Variants in AGO3 observed in about 807,000 individuals in gnomAD.
The protein encoded by AGO3 is argonaute RISC catalytic component 3, also known as protein argonaute-3.
In AGO3, 16 loss-of-function variants were observed where a neutral mutation model predicts 105.5. The ratio of observed to expected loss-of-function variants is 0.15; its 90% CI spans 0.10 to 0.23. AGO3 has a LOEUF of 0.23. AGO3 is among the 10% of genes least tolerant of loss of function. The pLI is 1.00. For missense variants in AGO3, 534 were observed against 1,088.0 expected, an observed-to-expected ratio of 0.49 and a Z score of 7.16; for synonymous variants, 340 against 367.3, an observed-to-expected ratio of 0.93 and a Z score of 0.85.
At chr1:35,952,110 G>GTCTT (rs146413112) in intron 2 of AGO3, among the ~76,000 whole-genome samples, 1,453 of 112,994 alleles carry the variant, frequency 0.013, 29 homozygotes, top group Non-Finnish European at 0.019. Context: ...TTCTGGGTCG[G>GTCTT]TCTTTCTTTC....
rs753617288 is a variant in AGO3 at position 35,972,138 on chromosome 1, C to T, written c.427C>T (p.Arg143Trp). The change falls in exon 4 of 19, where the codon CGG (arginine) becomes TGG (tryptophan). Residue 143 changes from arginine to tryptophan, a missense_variant. Coordinates refer to ENST00000373191, the MANE Select transcript of AGO3 (RefSeq NM_024852.4). ...CCTACTGCATGAAGTACTGACAGGA[C>T]GGACCTTGCCTGAGCCACTGGAATT... is the stretch of plus-strand genomic sequence containing the variant. The part of the protein sequence containing the change: ...WHLLHEVLTG[R>W]TLPEPLELDK... 6 of 1,613,912 alleles carry T rather than the reference C, an allele frequency of 3.7e-6. No homozygotes were observed. The highest frequency in any genetic ancestry group is 3.3e-5 in the Admixed American group (2 of 59,956).
At chr1:36,019,511 ACAT>A (rs1382244457) in intron 11 of AGO3, among the ~76,000 whole-genome samples, 1 of 152,240 alleles carries the variant, frequency 6.6e-6, no homozygotes, top group Non-Finnish European at 1.5e-5. Context: ...TGAGAGAAAC[ACAT>A]TTCCTAATAA....
chr1:35,978,381 G>A (rs1646990567), intron 5 of AGO3, among the ~76,000 whole-genome samples: 1 of 151,990 alleles, frequency 6.6e-6, no homozygotes, highest in Admixed American at 6.6e-5. Context: ...TAGTAGAGAT[G>A]GGGTTTCACC....
intron 5 of AGO3, among the ~76,000 whole-genome samples, chr1:36,001,535 G>A (rs1211200815): frequency 6.6e-6 from 1 of 152,136 alleles, no homozygotes; most frequent in African/African-American, 2.4e-5. Flanking sequence ...ATTAAGAGGG[G>A]AAGGGAGTAC....
chr1:35,961,290 G>A (rs1487125723), intron 2 of AGO3, among the ~76,000 whole-genome samples: 1 of 151,774 alleles, frequency 6.6e-6, no homozygotes, highest in Admixed American at 6.6e-5. Context: ...ACTATAAGAG[G>A]GTATCGCGGA....
chr1:35,969,588 C>T (rs1646831508), intron 3 of AGO3, among the ~76,000 whole-genome samples: 1 of 152,180 alleles, frequency 6.6e-6, no homozygotes, highest in Non-Finnish European at 1.5e-5. Context: ...AGTGGGAACT[C>T]TTTTAAGCTG....
intron 5 of AGO3, among the ~76,000 whole-genome samples, chr1:35,990,457 A>G (rs1425881044): frequency 2.0e-5 from 3 of 152,272 alleles, no homozygotes; most frequent in East Asian, 3.9e-4. Flanking sequence ...GCAGTGAGCC[A>G]AGATTGCACC....
rs1640746964 is a variant in AGO3, at chr1:36,013,901, T to G, written c.1273-14T>G. The G allele has an allele frequency of 6.2e-7, 1 of 1,602,764 alleles. No homozygotes were observed. The highest frequency in any genetic ancestry group is 8.5e-7 in the Non-Finnish European group (1 of 1,174,236). On this transcript the variant is annotated splice_polypyrimidine_tract_variant and intron_variant, in intron 10 of 18. Transcript: ENST00000373191. Reference sequence around the variant, plus strand: ...TGTTCTTTTTCACCATGTTATTTTTTTCTCCTCGTGTAGAATCGGACAGTA... The same window carrying G: ...TGTTCTTTTTCACCATGTTATTTTTGTCTCCTCGTGTAGAATCGGACAGTA...
Position 36,055,841 on chromosome 1 carries a change from G to A in AGO3, c.*96G>A. ...AGTCAATTGAGTAAGGACACCTCCA[G>A]CCATACAGAAACCAACACTGTGTGG... On this transcript the variant is annotated 3_prime_UTR_variant, in exon 19 of 19. Coordinates refer to ENST00000373191, the MANE Select transcript of AGO3 (RefSeq NM_024852.4). The surrounding 1 kb of genome is among the most constrained non-coding windows in gnomAD (Gnocchi z 4.4). The A allele has an allele frequency of 4.1e-6, 5 of 1,232,342 alleles. No homozygotes were observed. In the South Asian group the frequency reaches 6.6e-5, roughly 16 times the overall value. The allele number at this position is 1,232,342 out of a possible 1,614,324, so 76.3% of individuals were successfully genotyped here.
At chr1:35,948,211 A>G (rs1646403131) in intron 2 of AGO3, among the ~76,000 whole-genome samples, 2 of 151,492 alleles carry the variant, frequency 1.3e-5, no homozygotes, top group African/African-American at 4.9e-5. Context: ...AGTAAAAGGA[A>G]CAGAATTTTT....
At chr1:35,961,048 A>G (rs979120111) in intron 2 of AGO3, among the ~76,000 whole-genome samples, 1 of 149,988 alleles carries the variant, frequency 6.7e-6, no homozygotes, top group Non-Finnish European at 1.5e-5. Context: ...GGTTCACACC[A>G]TTCTCCTGCC....
At chr1:36,023,271 G>T (rs1641331353) in intron 11 of AGO3, among the ~76,000 whole-genome samples, 1 of 152,210 alleles carries the variant, frequency 6.6e-6, no homozygotes, top group African/African-American at 2.4e-5. Flanking sequence ...TGCAAGAGAG[G>T]AATGGACACA....
intron 2 of AGO3, among the ~76,000 whole-genome samples, chr1:35,948,976 T>C (rs1646419677): frequency 6.6e-6 from 1 of 152,034 alleles, no homozygotes; most frequent in Non-Finnish European, 1.5e-5. Flanking sequence ...GGAGTTTTGC[T>C]CTTGTTGCCC....
chr1:35,965,728 T>C (rs1163238154), intron 2 of AGO3, among the ~76,000 whole-genome samples: 1 of 151,368 alleles, frequency 6.6e-6, no homozygotes, highest in Non-Finnish European at 1.5e-5. Flanking sequence ...ATGTAGAAAA[T>C]CGCTCTGGGT....
rs184138433 is a variant in AGO3 at position 35,977,633 on chromosome 1, T to C, written c.658+4122T>C. Among the ~76,000 whole-genome samples the C allele has an allele frequency of 4.4e-3, 674 of 152,296 alleles. 9 individuals carry two copies. The highest frequency in any genetic ancestry group is 0.015 in the African/African-American group (636 of 41,574). ...GTCTCAAACTCCTGGTCTCAAGAGATCTGCCTGCCTTGGCCTCCCAAAGTG... is the reference window on the plus strand; with the variant it reads ...GTCTCAAACTCCTGGTCTCAAGAGACCTGCCTGCCTTGGCCTCCCAAAGTG... On this transcript the variant is annotated intron_variant, in intron 5 of 18. Transcript: ENST00000373191.
rs1643065447 is a variant in AGO3 at position 36,064,558 on chromosome 1, G to A, written c.*8813G>A. Reference sequence around the variant, plus strand: ...CTGGGTTTTCAATTCTAAATTATTGGAGCTCAATGTATGACATTTTACTGT... The same window carrying A: ...CTGGGTTTTCAATTCTAAATTATTGAAGCTCAATGTATGACATTTTACTGT... On this transcript the variant is annotated 3_prime_UTR_variant, in exon 19 of 19. Coordinates refer to ENST00000373191, the MANE Select transcript of AGO3 (RefSeq NM_024852.4). The A allele has an allele frequency of 6.6e-6, 1 of 152,040 alleles. No individual in the cohort carries two copies. Among genetic ancestry groups the A allele is most frequent in the South Asian group, 2.1e-4 (1 of 4,820 alleles). 9.4% of individuals were successfully genotyped at this position (152,040 alleles called of 1,614,324 possible). A position where few individuals can be genotyped will look rare whatever the true frequency, so the allele number is the denominator to read the frequency against.
intron 5 of AGO3, among the ~76,000 whole-genome samples, chr1:35,999,256 T>C (rs992103212): frequency 2.0e-5 from 3 of 151,976 alleles, no homozygotes; most frequent in Admixed American, 6.6e-5. Context: ...AGGAGAATAG[T>C]TTGAACCCAG....
At chr1:35,990,810 T>A (rs1188747653) in intron 5 of AGO3, among the ~76,000 whole-genome samples, 1 of 152,212 alleles carries the variant, frequency 6.6e-6, no homozygotes, top group East Asian at 1.9e-4. Flanking sequence ...ATTGCTAAGA[T>A]TGAGAAATAA....
At chr1:35,930,754 C>G (rs986195765), upstream of AGO3, 1 of 156,030 alleles carries the variant, frequency 6.4e-6, no homozygotes, top group Non-Finnish European at 1.4e-5. Flanking sequence ...GGGCTCGGCT[C>G]GGGGCCTCCG....
Sources: allele counts gnomAD v4.1 joint callset (sites outside exome capture counted in the v4.1 genomes callset), GRCh38; gene constraint gnomAD v4.1.1; non-coding constraint Gnocchi (gnomAD v3.1); transcripts MANE v1.5; gene names NCBI Gene and HGNC (gene_info 2026-07-23, HGNC 2026-07-21).